ACOXL: variants seen among roughly 807,000 people sequenced by gnomAD.
The protein encoded by ACOXL is acyl-CoA oxidase like.
Under a neutral mutation model 71.9 loss-of-function variants are expected in ACOXL, and 70 were observed. The ratio of observed to expected loss-of-function variants is 0.97; its 90% CI spans 0.80 to 1.19. The LOEUF is 1.19. Ranked by LOEUF, ACOXL falls within the 50% of genes most tolerant of loss-of-function variation. The probability of loss-of-function intolerance (pLI) is 0.00; values close to 1 mark genes in which losing one functional copy is unlikely to be tolerated. For synonymous variants in ACOXL, 253 were observed against 281.6 expected, an observed-to-expected ratio of 0.90 and a Z score of 1.02; for missense variants, 703 against 736.3, an observed-to-expected ratio of 0.95 and a Z score of 0.52.
At chr2:111,018,568 G>A (rs1037129618) in intron 14 of ACOXL, among the ~76,000 whole-genome samples, 4 of 152,152 alleles carry the variant, frequency 2.6e-5, no homozygotes, top group African/African-American at 9.7e-5. Flanking sequence ...TTCCCTGTAG[G>A]GGTCATGGCC....
chr2:111,017,694 G>A (rs186572173), intron 14 of ACOXL, among the ~76,000 whole-genome samples: 16 of 152,266 alleles, frequency 1.1e-4, no homozygotes, highest in African/African-American at 2.9e-4. Flanking sequence ...GTGGCTTAGC[G>A]GTGGAGAACC....
In ACOXL at chr2:110,940,202, T is replaced by C. The variant is rs1459604484; in HGVS notation, c.1059+6560T>C. Among the ~76,000 whole-genome samples the C allele has an allele frequency of 2.6e-5, 4 of 152,342 alleles. No individual in the cohort carries two copies. In the East Asian group the frequency reaches 7.7e-4, roughly 29 times the overall value. ...AAAAGCAAGTCATGATACAGTAAGT[T>C]GATTTCATGACCTGCTCATGTGTTG... On this transcript the variant is annotated intron_variant, in intron 12 of 17. Coordinates refer to ENST00000439055, the MANE Select transcript of ACOXL (RefSeq NM_001142807.4).
At chr2:110,864,667 G>A (rs1017218229) in intron 10 of ACOXL, among the ~76,000 whole-genome samples, 20 of 152,346 alleles carry the variant, frequency 1.3e-4, no homozygotes, top group African/African-American at 4.8e-4. Flanking sequence ...CCCAAGAAGA[G>A]AGAGCATTGC....
At chr2:110,838,782 A>T (rs752128671) in intron 9 of ACOXL, among the ~76,000 whole-genome samples, 3 of 152,322 alleles carry the variant, frequency 2.0e-5, no homozygotes, top group Admixed American at 6.5e-5. Context: ...TTCCAGAATG[A>T]CTGTGAAATA....
Position 111,117,920 on chromosome 2 carries a change from C to A in ACOXL, c.*104C>A. The A allele has an allele frequency of 7.6e-7, 1 of 1,324,388 alleles. No individual in the cohort carries two copies. Among genetic ancestry groups the A allele is most frequent in the Non-Finnish European group, 1.0e-6 (1 of 990,162 alleles). 82.0% of individuals were successfully genotyped at this position (1,324,388 alleles called of 1,614,324 possible). On this transcript the variant is annotated 3_prime_UTR_variant, in exon 18 of 18. Transcript: ENST00000439055. ...GGCCGGGGGCTGGCACCCGCTGGGC[C>A]GCCACTCTCGGGGATTTTGGTGGCA...
chr2:111,025,511 C>G (rs553437807), intron 14 of ACOXL, among the ~76,000 whole-genome samples: 1 of 152,282 alleles, frequency 6.6e-6, no homozygotes, highest in Admixed American at 6.5e-5. Flanking sequence ...CTCATTTTAG[C>G]CATTTTAGTG....
rs1489042865 is a variant in ACOXL at position 110,885,814 on chromosome 2, A to T, written c.789-22975A>T. 2.0e-5 allele frequency among the ~76,000 whole-genome samples: 3 copies of T among 152,218 alleles called. No homozygotes were observed. The East Asian group carries it at 5.8e-4, about 29-fold the overall frequency. Reference sequence around the variant, plus strand: ...CACAATATTTCAGATGTATGCAGTTATATAAGCTATTTCTTTTGGAATATG... The same window carrying T: ...CACAATATTTCAGATGTATGCAGTTTTATAAGCTATTTCTTTTGGAATATG... On this transcript the variant is annotated intron_variant, in intron 10 of 17. Transcript: ENST00000439055.
chr2:110,803,468 A>G (rs757355044), intron 8 of ACOXL, among the ~76,000 whole-genome samples: 5 of 152,254 alleles, frequency 3.3e-5, no homozygotes, highest in Admixed American at 1.3e-4. Flanking sequence ...AGATAGCCAC[A>G]TGCAAAAGCA....
At chr2:110,763,133 G>T (rs993099934) in intron 1 of ACOXL, among the ~76,000 whole-genome samples, 1 of 152,112 alleles carries the variant, frequency 6.6e-6, no homozygotes, top group Non-Finnish European at 1.5e-5. Flanking sequence ...AAGATTAAAC[G>T]TCATCTCAAT....
At chr2:110,936,726 G>A (rs2060677392) in intron 12 of ACOXL, among the ~76,000 whole-genome samples, 2 of 152,312 alleles carry the variant, frequency 1.3e-5, no homozygotes, top group South Asian at 4.1e-4. Context: ...AGATACATCG[G>A]CTGAGGTCCA....
intron 17 of ACOXL, among the ~76,000 whole-genome samples, chr2:111,110,442 A>C (rs1448407588): frequency 6.6e-6 from 1 of 152,242 alleles, no homozygotes; most frequent in Non-Finnish European, 1.5e-5. Context: ...ACATGGGACC[A>C]TGCAAATTTC....
At chr2:110,988,921 C>T (rs1329550556) in intron 13 of ACOXL, among the ~76,000 whole-genome samples, 6 of 147,088 alleles carry the variant, frequency 4.1e-5, no homozygotes, top group African/African-American at 1.5e-4. Flanking sequence ...TTTAAGGGCT[C>T]TTTATCCTTT....
rs1307238362 is a variant in ACOXL, at chr2:110,818,461, ATATATG to A, written c.753+13074_753+13079del. ...TGTGTGTGTGTGTGTGTATATATAT[ATATATG>A]TATATGTGTATGTGTGTATATATAT... On this transcript the variant is annotated intron_variant, in intron 9 of 17. Transcript: ENST00000439055. Among the ~76,000 whole-genome samples, 3 of 146,982 alleles carry A rather than the reference ATATATG, an allele frequency of 2.0e-5. No individual in the cohort carries two copies. The Admixed American group carries it at 2.0e-4, about 10-fold the overall frequency.
chr2:111,095,391 C>CTTT (rs780172456), intron 17 of ACOXL, among the ~76,000 whole-genome samples: 38 of 116,582 alleles, frequency 3.3e-4, no homozygotes, highest in East Asian at 7.5e-4. Context: ...TTTTCTTTTT[C>CTTT]TTTTTTTTTT....
intron 12 of ACOXL, among the ~76,000 whole-genome samples, chr2:110,983,132 A>T (rs1034829717): frequency 4.6e-5 from 7 of 152,176 alleles, no homozygotes; most frequent in African/African-American, 1.7e-4. Context: ...TCTCCTTGGA[A>T]ATCACATTTT....
chr2:110,910,668 T>G (rs1455795847), intron 11 of ACOXL, among the ~76,000 whole-genome samples: 2 of 152,230 alleles, frequency 1.3e-5, no homozygotes, highest in African/African-American at 4.8e-5. Flanking sequence ...GTTGTCACAT[T>G]GCTGTTTAAA....
chr2:111,098,810 A>C (rs2068954763), intron 17 of ACOXL: 1 of 152,208 alleles, frequency 6.6e-6, no homozygotes, highest in African/African-American at 2.4e-5. Flanking sequence ...CAATCAGCCT[A>C]AACTGTTTCT....
intron 7 of ACOXL, among the ~76,000 whole-genome samples, chr2:110,800,983 A>G (rs1046948625): frequency 2.6e-5 from 4 of 152,276 alleles, no homozygotes; most frequent in African/African-American, 7.2e-5. Flanking sequence ...CAAGGGGTGA[A>G]GTTCTAAATA....
In ACOXL at chr2:110,732,721, G is replaced by C. The variant is rs200020093; in HGVS notation, c.-76G>C. 2 of 152,484 alleles carry C rather than the reference G, an allele frequency of 1.3e-5. No homozygotes were observed. Among genetic ancestry groups the C allele is most frequent in the East Asian group, 3.9e-4 (2 of 5,164 alleles). The allele number at this position is 152,484 out of a possible 1,614,324, so 9.4% of individuals were successfully genotyped here. A position where few individuals can be genotyped will look rare whatever the true frequency, so the allele number is the denominator to read the frequency against. Reference sequence around the variant, plus strand: ...CGCTACCTGGACGGCGACTTCTGGAGCCTCAAGAACGAGCTGCGCGGACTC... The same window carrying C: ...CGCTACCTGGACGGCGACTTCTGGACCCTCAAGAACGAGCTGCGCGGACTC... On this transcript the variant is annotated 5_prime_UTR_variant, in exon 1 of 18. Coordinates refer to ENST00000439055, the MANE Select transcript of ACOXL (RefSeq NM_001142807.4).
Sources: allele counts gnomAD v4.1 joint callset (sites outside exome capture counted in the v4.1 genomes callset), GRCh38; gene constraint gnomAD v4.1.1; transcripts MANE v1.5; gene names NCBI Gene and HGNC (gene_info 2026-07-23, HGNC 2026-07-21).